LARGE1: variants seen among roughly 807,000 people sequenced by gnomAD.
LARGE1 encodes LARGE xylosyl- and glucuronyltransferase 1, also known as xylosyl- and glucuronyltransferase LARGE1.
A neutral mutation model predicts 87.6 loss-of-function variants in LARGE1; 43 were observed. The ratio of observed to expected loss-of-function variants is 0.49; its 90% confidence interval spans 0.38 to 0.63. LARGE1 has a LOEUF of 0.63. Ranked by LOEUF, LARGE1 falls within the 30% of genes least tolerant of loss-of-function variation. The pLI, the probability that LARGE1 is intolerant of heterozygous loss-of-function variation, is 0.00. For missense variants in LARGE1, 802 were observed against 1,000.2 expected (o/e 0.80, Z 2.67); for synonymous variants, 434 against 394.6 (o/e 1.10, Z -1.18).
chr22:33,743,166 T>C (rs898627640), intron 2 of LARGE1: 4 of 152,124 alleles, frequency 2.6e-5, no homozygotes, highest in Non-Finnish European at 5.9e-5. Context: ...GCCAAGCAGA[T>C]GCCGGTGCCA....
intron 9 of LARGE1, among the ~76,000 whole-genome samples, chr22:33,364,578 T>C (rs2146934139): frequency 6.6e-6 from 1 of 152,340 alleles, no homozygotes; most frequent in South Asian, 2.1e-4. Flanking sequence ...ATATTTTAAA[T>C]TGCATGCCAT....
intron 1 of LARGE1, among the ~76,000 whole-genome samples, chr22:33,874,956 T>C (rs767054907): frequency 5.9e-5 from 9 of 152,126 alleles, no homozygotes; most frequent in Non-Finnish European, 1.3e-4. Flanking sequence ...GTCAGCGAAG[T>C]TGAAAAACGT....
intron 12 of LARGE1, among the ~76,000 whole-genome samples, chr22:33,290,354 C>T (rs1382668403): frequency 6.6e-6 from 1 of 152,206 alleles, no homozygotes; most frequent in Non-Finnish European, 1.5e-5. Context: ...GGTTCACATT[C>T]TAGAGGCAGG....
At chr22:33,751,551 T>C (rs1229805970) in intron 2 of LARGE1, among the ~76,000 whole-genome samples, 1 of 151,876 alleles carries the variant, frequency 6.6e-6, no homozygotes, top group Non-Finnish European at 1.5e-5. Context: ...TCCCAAAGTC[T>C]TCCTTGGGGC....
intron 1 of LARGE1, among the ~76,000 whole-genome samples, chr22:33,895,195 T>C (rs1398849708): frequency 6.6e-6 from 1 of 151,972 alleles, no homozygotes; most frequent in South Asian, 2.1e-4. Flanking sequence ...GGAGGACAAA[T>C]TGGCTCTAAC....
At chr22:33,122,084 A>G in the LARGE1 span, among the ~76,000 whole-genome samples, 1 of 152,232 alleles carries the variant, frequency 6.6e-6, no homozygotes, top group Non-Finnish European at 1.5e-5. Flanking sequence ...CAGAAAATTA[A>G]GGATCTGGAT....
intron 1 of LARGE1, among the ~76,000 whole-genome samples, chr22:33,868,028 C>T (rs935584021): frequency 1.3e-5 from 2 of 152,208 alleles, no homozygotes; most frequent in African/African-American, 4.8e-5. Context: ...TTGCAGCACA[C>T]TACCCGCTCC....
At chr22:33,162,634 A>G (rs1922070873) in exon 12 of LARGE1, 1 of 152,240 alleles carries the variant, frequency 6.6e-6, no homozygotes, top group Admixed American at 6.5e-5. Flanking sequence ...TGGCTTGCTT[A>G]TCTACAGAAG....
At chr22:33,517,393 A>G (rs2071361788) in intron 6 of LARGE1, among the ~76,000 whole-genome samples, 1 of 152,126 alleles carries the variant, frequency 6.6e-6, no homozygotes, top group African/African-American at 2.4e-5. Context: ...ACATACATAT[A>G]ATGCACAAAG....
the LARGE1 span, among the ~76,000 whole-genome samples, chr22:33,097,194 A>G: frequency 2.0e-5 from 3 of 152,238 alleles, no homozygotes; most frequent in Non-Finnish European, 4.4e-5. Flanking sequence ...GAGATGGTCA[A>G]GGATAAGCCT....
intron 6 of LARGE1, among the ~76,000 whole-genome samples, chr22:33,478,354 C>A (rs2148175884): frequency 6.6e-6 from 1 of 152,356 alleles, no homozygotes; most frequent in Non-Finnish European, 1.5e-5. Flanking sequence ...GTTTCACCCA[C>A]AATCTCCCCA....
intron 9 of LARGE1, among the ~76,000 whole-genome samples, chr22:33,351,591 T>C (rs1348417589): frequency 6.6e-6 from 1 of 151,818 alleles, no homozygotes; most frequent in South Asian, 2.1e-4. Flanking sequence ...TAAATATAAA[T>C]GAGAAAAAGT....
intron 11 of LARGE1, among the ~76,000 whole-genome samples, chr22:33,198,375 C>T (rs1362378764): frequency 6.6e-6 from 1 of 151,908 alleles, no homozygotes; most frequent in African/African-American, 2.4e-5. Context: ...GGCTGGAGTG[C>T]AGTATCATGA....
rs1601519076 is a variant in LARGE1 at position 33,341,318 on chromosome 22, C to A, written c.1132-3517G>T. Among the ~76,000 whole-genome samples, 5 of 152,086 alleles carry A rather than the reference C, an allele frequency of 3.3e-5. 1 individual carries two copies. Among genetic ancestry groups the A allele is most frequent in the Admixed American group, 3.3e-4 (5 of 15,254 alleles). On this transcript the variant is annotated intron_variant, in intron 9 of 14. Coordinates refer to ENST00000397394, the MANE Select transcript of LARGE1 (RefSeq NM_133642.5). ...GCCCTAACCTTGGACTTCCCAGCCT[C>A]CAGAAACTGAGAAATAAACATCAAG...
the LARGE1 span, among the ~76,000 whole-genome samples, chr22:33,145,497 G>C: frequency 6.6e-6 from 1 of 152,188 alleles, no homozygotes; most frequent in Admixed American, 6.5e-5. Flanking sequence ...ATCCAGGTCA[G>C]GGACAAACAA....
intron 10 of LARGE1, among the ~76,000 whole-genome samples, chr22:33,324,472 G>C (rs1261283013): frequency 6.6e-6 from 1 of 152,084 alleles, no homozygotes; most frequent in Non-Finnish European, 1.5e-5. Flanking sequence ...GAGGGCTCCT[G>C]ACAAGGGAGG....
the LARGE1 span, among the ~76,000 whole-genome samples, chr22:33,120,923 T>A: frequency 6.6e-6 from 1 of 152,006 alleles, no homozygotes. Flanking sequence ...CCTGCTAGAA[T>A]AGGTCTGATC....
chr22:33,638,708 T>C (rs891983995), intron 3 of LARGE1, among the ~76,000 whole-genome samples: 4 of 152,268 alleles, frequency 2.6e-5, no homozygotes, highest in Non-Finnish European at 5.9e-5. Context: ...AGTTTTCTTA[T>C]CTGTCAAATG....
At chr22:33,596,174 T>C (rs1329724323) in intron 5 of LARGE1, among the ~76,000 whole-genome samples, 1 of 152,196 alleles carries the variant, frequency 6.6e-6, no homozygotes, top group Admixed American at 6.5e-5. Context: ...GACTGTTAAA[T>C]AAAGAAAAAT....
Sources: allele counts gnomAD v4.1 joint callset (sites outside exome capture counted in the v4.1 genomes callset), GRCh38; gene constraint gnomAD v4.1.1; transcripts MANE v1.5; gene names NCBI Gene and HGNC (gene_info 2026-07-23, HGNC 2026-07-21).